Variants in CNKSR2 observed in about 807,000 individuals in gnomAD.
CNKSR2 encodes the protein CNK homolog protein 2.
A neutral mutation model predicts 84.4 loss-of-function variants in CNKSR2; 14 were observed. The observed-to-expected ratio is 0.17, with a 90% CI of 0.11 to 0.26. The LOEUF is 0.26. Among genes scored for constraint, CNKSR2 ranks in the 10% least tolerant of loss-of-function variants. The probability of loss-of-function intolerance (pLI) is 1.00; values close to 1 mark genes in which losing one functional copy is unlikely to be tolerated. For synonymous variants in CNKSR2, 275 were observed against 277.9 expected (o/e 0.99, Z 0.10); for missense variants, 485 against 771.2 (o/e 0.63, Z 4.40).
intron 20 of CNKSR2, among the ~76,000 whole-genome samples, chrX:21,624,638 T>G (rs2092615332): frequency 9.0e-6 from 1 of 111,257 alleles, no homozygotes; most frequent in Admixed American, 9.6e-5. Context: ...TCTGTGTTTT[T>G]GGTAGAGATG....
At chrX:21,536,379 G>T (rs2091928191) in intron 11 of CNKSR2, among the ~76,000 whole-genome samples, 3 of 110,983 alleles carry the variant, frequency 2.7e-5, no homozygotes, top group African/African-American at 9.8e-5. Context: ...CTCATAGAAT[G>T]AGTTTGGAAG....
intron 14 of CNKSR2, 182 bp downstream of exon 14, chrX:21,590,802 A>C: frequency 2.1e-6 from 1 of 477,163 alleles, no homozygotes; most frequent in Non-Finnish European, 3.5e-6. Flanking sequence ...TTTTACAACA[A>C]ATGATCTCAA....
chrX:21,628,095 A>C (rs781201303), intron 20 of CNKSR2, among the ~76,000 whole-genome samples: 1 of 111,589 alleles, frequency 9.0e-6, no homozygotes, highest in South Asian at 3.8e-4. Flanking sequence ...AAAACAAAGG[A>C]GCTACAGGCC....
At chrX:21,420,559 A>G (rs2090481874) in intron 1 of CNKSR2, among the ~76,000 whole-genome samples, 1 of 111,031 alleles carries the variant, frequency 9.0e-6, no homozygotes, top group Non-Finnish European at 1.9e-5. Flanking sequence ...AGGGCCCTTG[A>G]TTTAGTACTT....
At chrX:21,441,505 TTTGAG>T (rs1287747649) in intron 4 of CNKSR2, 1 of 112,218 alleles carries the variant, frequency 8.9e-6, no homozygotes, top group Admixed American at 9.5e-5. Flanking sequence ...CTAAAATGAA[TTTGAG>T]TTATCAAAAA....
At chrX:21,561,870 T>C (rs2092193283) in intron 12 of CNKSR2, among the ~76,000 whole-genome samples, 1 of 110,414 alleles carries the variant, frequency 9.1e-6, no homozygotes, top group Admixed American at 9.6e-5. Flanking sequence ...ATAATTAAGT[T>C]CAGTGAATAG....
chrX:21,468,893 T>C (rs189580919), intron 4 of CNKSR2, among the ~76,000 whole-genome samples: 34 of 112,032 alleles, frequency 3.0e-4, no homozygotes, highest in African/African-American at 9.1e-4. Flanking sequence ...TTATTCATCT[T>C]ATAAAGCACA....
chrX:21,584,954 A>C (rs952860265), intron 13 of CNKSR2, among the ~76,000 whole-genome samples: 2 of 110,788 alleles, frequency 1.8e-5, no homozygotes, highest in African/African-American at 6.6e-5. Flanking sequence ...GCTAAAAATT[A>C]GAGGGGGCTG....
At chrX:21,606,940 T>C in intron 19 of CNKSR2, 61 bp downstream of exon 19, 1 of 628,141 alleles carries the variant, frequency 1.6e-6, no homozygotes, top group Non-Finnish European at 2.4e-6. Context: ...CATCCTTTTG[T>C]ATGTTAAAAA....
At chrX:21,583,608 A>G (rs1006494436) in intron 13 of CNKSR2, among the ~76,000 whole-genome samples, 1 of 112,056 alleles carries the variant, frequency 8.9e-6, no homozygotes, top group South Asian at 3.7e-4. Flanking sequence ...GCAGAAAATT[A>G]CAGTAAGAGG....
At chrX:21,504,238 T>G (rs1177562530) in intron 8 of CNKSR2, 1 of 111,411 alleles carries the variant, frequency 9.0e-6, no homozygotes, top group Non-Finnish European at 1.9e-5. Flanking sequence ...CAAGTATAAA[T>G]TATTTATAGT....
intron 13 of CNKSR2, among the ~76,000 whole-genome samples, chrX:21,564,950 T>C (rs773618589): frequency 2.7e-5 from 3 of 111,357 alleles, no homozygotes; most frequent in Admixed American, 9.6e-5. Context: ...TCAGTACTCT[T>C]AGTCGTTTGA....
chrX:21,562,915 A>G (rs1490330651), intron 12 of CNKSR2, among the ~76,000 whole-genome samples: 1 of 111,731 alleles, frequency 9.0e-6, no homozygotes, highest in Non-Finnish European at 1.9e-5. Context: ...TTCTGATTCA[A>G]GTTCCAGAGG....
At chrX:21,475,863 A>G (rs893933887) in intron 5 of CNKSR2, among the ~76,000 whole-genome samples, 10 of 111,573 alleles carry the variant, frequency 9.0e-5, no homozygotes, top group Non-Finnish European at 1.9e-4. Flanking sequence ...GAATATTTGC[A>G]TGATATACTT....
chrX:21,473,011 G>A (rs943535058), intron 5 of CNKSR2, among the ~76,000 whole-genome samples: 3 of 110,852 alleles, frequency 2.7e-5, no homozygotes, highest in African/African-American at 6.5e-5. Context: ...GTAATTTTTA[G>A]TTTCTTAAAT....
intron 1 of CNKSR2, among the ~76,000 whole-genome samples, chrX:21,386,884 G>A (rs1283552926): frequency 1.8e-5 from 2 of 111,940 alleles, no homozygotes; most frequent in East Asian, 2.8e-4. Context: ...CTCTGACTCT[G>A]TAAAGCACCT....
chrX:21,397,341 TAA>T (rs1043460213), intron 1 of CNKSR2, among the ~76,000 whole-genome samples: 1 of 111,809 alleles, frequency 8.9e-6, no homozygotes, highest in Non-Finnish European at 1.9e-5. Flanking sequence ...CTAAAACTCT[TAA>T]GTGTGAATTT....
chrX:21,394,948 A>G (rs1435145963), intron 1 of CNKSR2, among the ~76,000 whole-genome samples: 2 of 111,678 alleles, frequency 1.8e-5, no homozygotes, highest in Non-Finnish European at 3.8e-5. Flanking sequence ...TGGATCACTG[A>G]AAACAAGAGA....
intron 18 of CNKSR2, among the ~76,000 whole-genome samples, chrX:21,602,906 A>C (rs759642193): frequency 8.9e-6 from 1 of 112,157 alleles, no homozygotes; most frequent in Admixed American, 9.5e-5. Flanking sequence ...TGAATCTCTG[A>C]CTCAATTTGC....
Sources: gnomAD v4.1 joint callset for allele counts (sites outside exome capture counted in the v4.1 genomes callset) on GRCh38, gnomAD v4.1.1 for gene constraint, MANE v1.5 for transcripts, NCBI Gene and HGNC (gene_info 2026-07-23, HGNC 2026-07-21) for gene names.